MGAT4C: variants seen among roughly 807,000 people sequenced by gnomAD.
MGAT4C encodes MGAT4 family member C, also known as alpha-1,3-mannosyl-glycoprotein 4-beta-N-acetylglucosaminyltransferase C.
MGAT4C carries 19 observed loss-of-function variants against 40.1 expected under a neutral mutation model. That is an observed-to-expected ratio of 0.47 (90% confidence interval 0.33 to 0.70). The LOEUF (loss-of-function observed/expected upper bound fraction) is 0.70, where lower values mean the gene tolerates loss of function less well. MGAT4C is among the 30% of genes least tolerant of loss of function. The pLI is 0.02. For synonymous variants in MGAT4C, 181 were observed against 187.1 expected (o/e 0.97, Z 0.27); for missense variants, 491 against 563.2 (o/e 0.87, Z 1.30).
intron 2 of MGAT4C, among the ~76,000 whole-genome samples, chr12:86,602,055 A>G (rs1012282647): frequency 2.6e-5 from 4 of 152,266 alleles, no homozygotes; most frequent in African/African-American, 9.6e-5. Flanking sequence ...ATGAAGCCGG[A>G]GCCTGTGCTG....
intron 1 of MGAT4C, among the ~76,000 whole-genome samples, chr12:86,757,896 C>G (rs1041422722): frequency 6.6e-6 from 1 of 152,106 alleles, no homozygotes; most frequent in African/African-American, 2.4e-5. Flanking sequence ...TTCTTATGTC[C>G]TCTCTGGGTC....
intron 1 of MGAT4C, among the ~76,000 whole-genome samples, chr12:86,071,637 G>A (rs1357847845): frequency 2.6e-5 from 4 of 151,896 alleles, no homozygotes; most frequent in African/African-American, 9.7e-5. Context: ...CAGGTAATAT[G>A]GTAGCAATAC....
intron 2 of MGAT4C, among the ~76,000 whole-genome samples, chr12:86,553,362 C>T (rs565586229): frequency 1.3e-5 from 2 of 152,204 alleles, no homozygotes; most frequent in South Asian, 4.1e-4. Context: ...TTTAAACTCA[C>T]ACCTACTCTA....
chr12:86,543,228 T>A (rs922662396), intron 2 of MGAT4C, among the ~76,000 whole-genome samples: 2 of 151,646 alleles, frequency 1.3e-5, no homozygotes, highest in Admixed American at 1.3e-4. Flanking sequence ...TTATTAGTTT[T>A]ATATTCCTAC....
At chr12:86,528,031 A>C (rs1185981266) in intron 2 of MGAT4C, among the ~76,000 whole-genome samples, 1 of 152,192 alleles carries the variant, frequency 6.6e-6, no homozygotes, top group Non-Finnish European at 1.5e-5. Flanking sequence ...AAAATCATAA[A>C]AAGTATATAT....
At chr12:86,554,014 C>T (rs1338764681) in intron 2 of MGAT4C, among the ~76,000 whole-genome samples, 1 of 152,004 alleles carries the variant, frequency 6.6e-6, no homozygotes, top group Non-Finnish European at 1.5e-5. Flanking sequence ...ACTCATATCT[C>T]AGAGACCTTA....
chr12:85,988,486 C>A (rs994649721), intron 3 of MGAT4C, among the ~76,000 whole-genome samples: 5 of 151,882 alleles, frequency 3.3e-5, no homozygotes, highest in Non-Finnish European at 5.9e-5. Context: ...GTGAAAATCA[C>A]TTTTTAGTTC....
Position 86,611,449 on chromosome 12 carries a change from AGATAGAT to A in MGAT4C, c.-229+115753_-229+115759del, listed in dbSNP as rs1555210969. Among the ~76,000 whole-genome samples the A allele has an allele frequency of 6.6e-5, 7 of 106,444 alleles. No individual in the cohort carries two copies. In the East Asian group the frequency reaches 1.2e-3, roughly 18 times the overall value. 69.8% of individuals were successfully genotyped at this position (106,444 alleles called of 152,430 possible). On this transcript the variant is annotated intron_variant, in intron 2 of 7. Transcript: ENST00000548651. Reference sequence around the variant, plus strand: ...ATAGATAGATGACAGATAGATAGATAGATAGATGATAGATAGATAGATAGATAGATAG... The same window carrying A: ...ATAGATAGATGACAGATAGATAGATAGATAGATAGATAGATAGATAGATAG...
chr12:86,492,300 T>G (rs1027056152), intron 2 of MGAT4C, among the ~76,000 whole-genome samples: 1 of 152,018 alleles, frequency 6.6e-6, no homozygotes, highest in Non-Finnish European at 1.5e-5. Flanking sequence ...AAACTACTTT[T>G]AAGTTCATAT....
intron 2 of MGAT4C, among the ~76,000 whole-genome samples, chr12:86,652,326 A>G (rs961643242): frequency 6.6e-6 from 1 of 151,920 alleles, no homozygotes; most frequent in South Asian, 2.1e-4. Flanking sequence ...AAAAAGAAGT[A>G]ATTGCCTACG....
intron 3 of MGAT4C, among the ~76,000 whole-genome samples, chr12:86,417,089 A>C (rs113932012): frequency 6.6e-6 from 1 of 152,156 alleles, no homozygotes; most frequent in African/African-American, 2.4e-5. Context: ...AATACATCCA[A>C]TAAAAATTAT....
At chr12:86,444,409 G>A (rs1237048475) in intron 2 of MGAT4C, among the ~76,000 whole-genome samples, 2 of 151,982 alleles carry the variant, frequency 1.3e-5, no homozygotes, top group African/African-American at 4.8e-5. Context: ...AATCTTCTCC[G>A]GTTCCATGGC....
At chr12:86,198,846 T>C (rs1005252267) in intron 1 of MGAT4C, among the ~76,000 whole-genome samples, 1 of 152,168 alleles carries the variant, frequency 6.6e-6, no homozygotes. Flanking sequence ...AGTATGTCAC[T>C]AAAACTGTTG....
At chr12:86,757,417 T>C (rs976899813) in intron 1 of MGAT4C, among the ~76,000 whole-genome samples, 2 of 152,114 alleles carry the variant, frequency 1.3e-5, no homozygotes, top group African/African-American at 4.8e-5. Context: ...AAAACTTACT[T>C]TGTGCATTGC....
Position 86,739,531 on chromosome 12 carries a change from G to GA in MGAT4C, c.-261-12291dup, listed in dbSNP as rs200843385. 8.1e-5 allele frequency among the ~76,000 whole-genome samples: 12 copies of GA among 148,542 alleles called. No homozygotes were observed. In the East Asian group the frequency reaches 1.2e-3, roughly 15 times the overall value. ...AACTGCAGATGTAAAATATTTGGGG[G>GA]AAAAAAAAAGGATGGTTGCATTTGT... On this transcript the variant is annotated intron_variant, in intron 1 of 7. Transcript: ENST00000548651.
intron 1 of MGAT4C, among the ~76,000 whole-genome samples, chr12:86,203,063 T>C (rs1176840266): frequency 1.3e-5 from 2 of 151,034 alleles, no homozygotes; most frequent in Admixed American, 6.6e-5. Flanking sequence ...TGTTTTTACA[T>C]AGCTAGTACA....
intron 2 of MGAT4C, among the ~76,000 whole-genome samples, chr12:86,615,801 A>AT (rs1341819088): frequency 9.9e-5 from 15 of 151,948 alleles, no homozygotes; most frequent in Non-Finnish European, 1.5e-4. Flanking sequence ...TAATCTCAAC[A>AT]TTTTTTCCAT....
At chr12:86,533,847 T>C (rs1959025413) in intron 2 of MGAT4C, among the ~76,000 whole-genome samples, 1 of 151,152 alleles carries the variant, frequency 6.6e-6, no homozygotes, top group Non-Finnish European at 1.5e-5. Flanking sequence ...TCTCATTATA[T>C]ATTCTTCCTT....
At position 86,282,338 on chromosome 12, in the gene MGAT4C, A is replaced by G. The variant is rs144814382; in HGVS notation, c.-57+51727T>C. ...CAATCTGACCAATAATTTCTTATACAATATTCTATCTGTTGTTAAACCTAA... is the reference window on the plus strand; with the variant it reads ...CAATCTGACCAATAATTTCTTATACGATATTCTATCTGTTGTTAAACCTAA... On this transcript the variant is annotated intron_variant, in intron 4 of 7. Coordinates refer to the MGAT4C transcript ENST00000548651. 8.6e-3 allele frequency among the ~76,000 whole-genome samples: 1,316 copies of G among 152,142 alleles called. 15 individuals carry two copies. The highest frequency in any genetic ancestry group is 0.031 in the South Asian group (151 of 4,824).
Sources: gnomAD v4.1 joint callset for allele counts (sites outside exome capture counted in the v4.1 genomes callset) on GRCh38, gnomAD v4.1.1 for gene constraint, MANE v1.5 for transcripts, NCBI Gene and HGNC (gene_info 2026-07-23, HGNC 2026-07-21) for gene names.